The following CCSER1 variants were observed in gnomAD, a reference collection of about 807,000 sequenced individuals.
CCSER1 encodes the protein serine-rich coiled-coil domain-containing protein 1.
Under a neutral mutation model 82.0 loss-of-function variants are expected in CCSER1, and 41 were observed. The observed-to-expected ratio is 0.50, with a 90% confidence interval of 0.39 to 0.65. CCSER1 has a LOEUF of 0.65. CCSER1 is among the 30% of genes least tolerant of loss of function. The pLI is 0.00. For synonymous variants in CCSER1, 414 were observed against 383.9 expected (o/e 1.08, Z -0.92); for missense variants, 1,119 against 1,064.2 (o/e 1.05, Z -0.72).
intron 8 of CCSER1, among the ~76,000 whole-genome samples, chr4:90,894,437 G>A (rs1723404807): frequency 6.6e-6 from 1 of 151,974 alleles, no homozygotes; most frequent in African/African-American, 2.4e-5. Context: ...AAATGCCGAG[G>A]CAACAAATAC....
intron 10 of CCSER1, among the ~76,000 whole-genome samples, chr4:91,290,259 T>G (rs1167572670): frequency 6.6e-6 from 1 of 152,038 alleles, no homozygotes; most frequent in African/African-American, 2.4e-5. Flanking sequence ...ATGAATGAAA[T>G]GAAAACTTTG....
chr4:91,559,777 T>C (rs1372468014), intron 10 of CCSER1, among the ~76,000 whole-genome samples: 1 of 151,468 alleles, frequency 6.6e-6, no homozygotes, highest in Non-Finnish European at 1.5e-5. Context: ...ATTATATTTA[T>C]TTTTTCTAAT....
intron 10 of CCSER1, among the ~76,000 whole-genome samples, chr4:91,528,372 C>T (rs1350167375): frequency 6.6e-6 from 1 of 152,008 alleles, no homozygotes; most frequent in East Asian, 1.9e-4. Context: ...AACTTCTAAC[C>T]TCCTATAAAC....
intron 5 of CCSER1, among the ~76,000 whole-genome samples, chr4:90,559,809 C>CAAAAAAAAAA (rs1236087772): frequency 5.0e-5 from 2 of 39,756 alleles, no homozygotes; most frequent in Non-Finnish European, 9.5e-5. Context: ...GACTCCGTCT[C>CAAAAAAAAAA]AAAAAAAAAA....
At chr4:90,407,791 G>A (rs184800589) in intron 4 of CCSER1, among the ~76,000 whole-genome samples, 21 of 152,232 alleles carry the variant, frequency 1.4e-4, no homozygotes, top group African/African-American at 4.8e-4. Flanking sequence ...GTGGGTGCAG[G>A]ACAGTGGGTG....
chr4:90,791,572 C>A (rs972390885), intron 7 of CCSER1, among the ~76,000 whole-genome samples: 3 of 151,600 alleles, frequency 2.0e-5, no homozygotes, highest in Admixed American at 1.3e-4. Flanking sequence ...CACTTTTAGC[C>A]GGGTGCAGTG....
intron 9 of CCSER1, among the ~76,000 whole-genome samples, chr4:90,992,222 G>C (rs1224474175): frequency 6.6e-6 from 1 of 151,954 alleles, no homozygotes; most frequent in Non-Finnish European, 1.5e-5. Context: ...GGATCTTACT[G>C]TTCTTTGTCA....
rs140257221 is a variant in CCSER1, at chr4:90,600,024, T to C, written c.1725-28001T>C. Among the ~76,000 whole-genome samples, 1,030 of 152,328 alleles carry C rather than the reference T, an allele frequency of 6.8e-3. 15 individuals are homozygous for C. Among genetic ancestry groups the C allele is most frequent in the African/African-American group, 0.023 (976 of 41,566 alleles). The stretch of plus-strand genomic sequence containing the variant: ...TAACATAATTATTTTGATGTTCTTA[T>C]GTACTGCAGTGTGTATCAGTAGGCT... On this transcript the variant is annotated intron_variant, in intron 5 of 10. Coordinates refer to ENST00000509176, the MANE Select transcript of CCSER1 (RefSeq NM_001145065.2).
chr4:90,230,850 G>A (rs1434156805), intron 1 of CCSER1, among the ~76,000 whole-genome samples: 8 of 152,090 alleles, frequency 5.3e-5, no homozygotes, highest in Non-Finnish European at 1.0e-4. Context: ...ACACCTCTAC[G>A]CAAATAAACC....
intron 8 of CCSER1, among the ~76,000 whole-genome samples, chr4:90,908,502 G>A (rs945096037): frequency 3.3e-5 from 5 of 152,098 alleles, no homozygotes; most frequent in African/African-American, 1.2e-4. Flanking sequence ...TGCAATAACA[G>A]TATAAAACAA....
At chr4:90,997,937 G>A (rs1167772417) in intron 9 of CCSER1, among the ~76,000 whole-genome samples, 1 of 151,992 alleles carries the variant, frequency 6.6e-6, no homozygotes, top group Non-Finnish European at 1.5e-5. Context: ...CTCTGTAAAG[G>A]CATTTCTGCT....
intron 7 of CCSER1, among the ~76,000 whole-genome samples, chr4:90,785,291 G>A (rs1341373767): frequency 6.6e-6 from 1 of 151,972 alleles, no homozygotes; most frequent in Admixed American, 6.6e-5. Flanking sequence ...ACCCTCCTTC[G>A]CCTCCCAAAT....
At chr4:90,831,170 A>T (rs1258222537) in intron 8 of CCSER1, among the ~76,000 whole-genome samples, 1 of 152,134 alleles carries the variant, frequency 6.6e-6, no homozygotes, top group Non-Finnish European at 1.5e-5. Flanking sequence ...CTGAAGACTG[A>T]CTTCTTTATG....
chr4:91,117,427 G>T (rs1561562105), intron 10 of CCSER1, among the ~76,000 whole-genome samples: 1 of 152,140 alleles, frequency 6.6e-6, no homozygotes, highest in African/African-American at 2.4e-5. Flanking sequence ...CTATGTCAGG[G>T]TTATTGTAGA....
chr4:90,236,595 A>G (rs1201149031), intron 1 of CCSER1, among the ~76,000 whole-genome samples: 2 of 152,120 alleles, frequency 1.3e-5, no homozygotes, highest in Non-Finnish European at 2.9e-5. Flanking sequence ...TATTTTCCCT[A>G]ATTGAGAATA....
chr4:90,257,158 A>G (rs921178957), intron 1 of CCSER1, among the ~76,000 whole-genome samples: 13 of 152,022 alleles, frequency 8.6e-5, no homozygotes, highest in Non-Finnish European at 1.3e-4. Context: ...ATGTTAACAA[A>G]CAAAGGAAAG....
chr4:91,181,997 C>A (rs1257973326), intron 10 of CCSER1, among the ~76,000 whole-genome samples: 1 of 152,190 alleles, frequency 6.6e-6, no homozygotes, highest in Non-Finnish European at 1.5e-5. Flanking sequence ...GTGGTGATAA[C>A]CGCTGTCATA....
At chr4:90,483,946 T>C (rs142864185) in intron 5 of CCSER1, among the ~76,000 whole-genome samples, 4,742 of 152,336 alleles carry the variant, frequency 0.031, 223 homozygotes, top group African/African-American at 0.11. Flanking sequence ...GAAGTTGTCC[T>C]GGATAATATC....
At position 90,238,405 on chromosome 4, in the gene CCSER1, G is replaced by A. The variant is rs1746207011; in HGVS notation, c.-41-69839G>A. ...AGTAAAGCTTGTGAGGTATTAGAGA[G>A]CTCAGTCTGGCATTGTACAAATGGT... On this transcript the variant is annotated intron_variant, in intron 1 of 10. Coordinates refer to ENST00000509176, the MANE Select transcript of CCSER1 (RefSeq NM_001145065.2). Among the ~76,000 whole-genome samples, 3 of 152,188 alleles carry A rather than the reference G, an allele frequency of 2.0e-5. No individual in the cohort carries two copies. The South Asian group carries it at 6.2e-4, about 32-fold the overall frequency.
Sources: allele counts gnomAD v4.1 joint callset (sites outside exome capture counted in the v4.1 genomes callset), GRCh38; gene constraint gnomAD v4.1.1; transcripts MANE v1.5; gene names NCBI Gene and HGNC (gene_info 2026-07-23, HGNC 2026-07-21).